Variants in SPEF2 observed in about 807,000 individuals in gnomAD.
SPEF2 encodes the protein sperm flagella and cilia-associated protein 2.
A neutral mutation model predicts 224.6 loss-of-function variants in SPEF2; 187 were observed. The ratio of observed to expected loss-of-function variants is 0.83; its 90% CI spans 0.74 to 0.94. The LOEUF (loss-of-function observed/expected upper bound fraction) is 0.94, where lower values mean the gene tolerates loss of function less well. Ranked by LOEUF, SPEF2 falls within the 40% of genes least tolerant of loss-of-function variation. The pLI is 0.00. For missense variants in SPEF2, 2,170 were observed against 2,135.6 expected (o/e 1.02, Z -0.32); for synonymous variants, 715 against 707.3 (o/e 1.01, Z -0.17).
rs1241132815 is a variant in SPEF2 at position 35,700,738 on chromosome 5, T to C, written c.2384T>C (p.Met795Thr). 6.2e-7 allele frequency: 1 copy of C among 1,613,932 alleles called. No homozygotes were observed. The highest frequency in any genetic ancestry group is 1.7e-5 in the Admixed American group (1 of 60,002). Residue 795 changes from methionine (M) to threonine (T), a missense_variant, in exon 16 of 37, where the codon ATG becomes ACG. By Grantham distance (81) the Met-to-Thr change is moderately conservative. Transcript: ENST00000356031. ...DVSDTSSMSR[M>T]NDIIAEELSY... ...TCAGATACTTCCTCAATGAGTCGCA[T>C]GAATGATATTATAGGTAAGCTGGAC... is the stretch of plus-strand genomic sequence containing the variant.
intron 10 of SPEF2, chr5:35,670,798 G>C: frequency 3.1e-6 from 3 of 980,932 alleles, no homozygotes; most frequent in Non-Finnish European, 3.6e-6. Context: ...ACTACTAACT[G>C]TGTGACCTTA....
intron 2 of SPEF2, among the ~76,000 whole-genome samples, chr5:35,629,522 T>G (rs1744793276): frequency 6.6e-6 from 1 of 152,170 alleles, no homozygotes; most frequent in Non-Finnish European, 1.5e-5. Context: ...TTAGTATGAT[T>G]ATTTGTGTTT....
intron 20 of SPEF2, 95 bp downstream of exon 20, chr5:35,712,981 A>C: frequency 9.3e-7 from 1 of 1,080,592 alleles, no homozygotes; most frequent in Admixed American, 2.4e-5. Flanking sequence ...GTATACATTG[A>C]CCACTTCTCT....
At chr5:35,694,905 C>G (rs1755070541) in intron 13 of SPEF2, among the ~76,000 whole-genome samples, 1 of 152,128 alleles carries the variant, frequency 6.6e-6, no homozygotes, top group Non-Finnish European at 1.5e-5. Flanking sequence ...TCCTTCAGAT[C>G]CTTTGTAGAA....
chr5:35,644,777 T>C (rs183197124), intron 4 of SPEF2, among the ~76,000 whole-genome samples: 2 of 152,266 alleles, frequency 1.3e-5, no homozygotes, highest in Admixed American at 1.3e-4. Flanking sequence ...GCAAGACAAC[T>C]GCATTACCTT....
chr5:35,708,625 A>G (rs367868621), intron 18 of SPEF2, among the ~76,000 whole-genome samples: 590 of 105,302 alleles, frequency 5.6e-3, no homozygotes, highest in Middle Eastern at 0.018. Context: ...CTCTACCTCC[A>G]CCACCATCAC....
At chr5:35,759,496 G>A (rs1240597167) in intron 24 of SPEF2, 72 bp from the exon 25 acceptor site, 11 of 1,288,996 alleles carry the variant, frequency 8.5e-6, no homozygotes, top group Non-Finnish European at 1.1e-5. Flanking sequence ...TGCTTTCAGA[G>A]GCTTATATCG....
chr5:35,679,173 A>T (rs1027320243), intron 10 of SPEF2, among the ~76,000 whole-genome samples: 2 of 152,198 alleles, frequency 1.3e-5, no homozygotes, highest in African/African-American at 4.8e-5. Context: ...TACCCTAGCA[A>T]TAGGTATACT....
chr5:35,772,516 T>C (rs1753003409), intron 27 of SPEF2, among the ~76,000 whole-genome samples: 1 of 152,124 alleles, frequency 6.6e-6, no homozygotes, highest in Non-Finnish European at 1.5e-5. Flanking sequence ...TACAAGTACC[T>C]TAAGAACAAG....
intron 26 of SPEF2, 95 bp downstream of exon 26, chr5:35,763,797 C>T (rs1580640893): frequency 1.7e-6 from 2 of 1,158,236 alleles, no homozygotes; most frequent in African/African-American, 1.6e-5. Context: ...ACACAATGCT[C>T]TCAAGCACTG....
chr5:35,800,024 A>G lies in SPEF2; in HGVS notation c.4887A>G (p.Thr1629=), dbSNP rs768920248. Reference sequence around the variant, plus strand: ...AGGATCCACCCCAGCTTGACTACACACAGATGCTGCTTTACTTTGCTTGCC... The same window carrying G: ...AGGATCCACCCCAGCTTGACTACACGCAGATGCTGCTTTACTTTGCTTGCC... ...YEKDPPQLDY[T]QMLLYFACHP... Residue 1629 remains threonine, a synonymous_variant, in exon 34 of 37, where the codon ACA becomes ACG. Coordinates refer to ENST00000356031, the MANE Select transcript of SPEF2 (RefSeq NM_024867.4). The G allele has an allele frequency of 1.2e-6, 2 of 1,614,112 alleles. No individual in the cohort carries two copies. Among genetic ancestry groups the G allele is most frequent in the South Asian group, 2.2e-5 (2 of 91,074 alleles).
intron 23 of SPEF2, among the ~76,000 whole-genome samples, chr5:35,744,488 A>G (rs1748152767): frequency 6.6e-6 from 1 of 152,098 alleles, no homozygotes; most frequent in Admixed American, 6.5e-5. Flanking sequence ...CTGCTGTTGC[A>G]TTGTTCTCAT....
At chr5:35,709,152 T>C (rs1329963976) in intron 19 of SPEF2, 31 bp downstream of exon 19, 1 of 1,597,364 alleles carries the variant, frequency 6.3e-7, no homozygotes, top group Non-Finnish European at 8.5e-7. Context: ...TAATCCTGTT[T>C]TCAGTTTCTT....
Position 35,691,123 on chromosome 5 carries a change from C to A in SPEF2, c.1611C>A (p.His537Gln), listed in dbSNP as rs1754405760. Residue 537 changes from histidine to glutamine, a missense_variant, in exon 11 of 37, where the codon CAC becomes CAA. Transcript: ENST00000356031. ...ATTGCATACTGGGCCATATTCTTCACAGGCTAGCTGAAAAATCTCTTCCTC... is the reference window on the plus strand; with the variant it reads ...ATTGCATACTGGGCCATATTCTTCAAAGGCTAGCTGAAAAATCTCTTCCTC... ...SNNCILGHIL[H>Q]RLAEKSLPPR... 1 of 1,614,098 alleles carries A rather than the reference C, an allele frequency of 6.2e-7. No homozygotes were observed. The highest frequency in any genetic ancestry group is 8.5e-7 in the Non-Finnish European group (1 of 1,179,986).
intron 34 of SPEF2, 47 bp from the exon 35 acceptor site, chr5:35,806,660 G>GA (rs760956261): frequency 1.9e-6 from 3 of 1,573,898 alleles, no homozygotes; most frequent in African/African-American, 2.8e-5. Context: ...TCCATTGGTG[G>GA]AAAAAACTTC....
chr5:35,702,350 A>G (rs953526490), intron 16 of SPEF2: 8 of 455,846 alleles, frequency 1.8e-5, no homozygotes, highest in Admixed American at 2.3e-5. Flanking sequence ...GCCAATGGGC[A>G]GGAGACTGGG....
At chr5:35,629,240 G>A (rs1163333607) in intron 2 of SPEF2, among the ~76,000 whole-genome samples, 6 of 121,182 alleles carry the variant, frequency 5.0e-5, no homozygotes, top group Admixed American at 9.9e-5. Flanking sequence ...TGCAAGCTCC[G>A]CCTCCCGCAT....
At chr5:35,751,860 A>G (rs75644611) in intron 23 of SPEF2, among the ~76,000 whole-genome samples, 3,046 of 152,278 alleles carry the variant, frequency 0.02, 73 homozygotes, top group South Asian at 0.054. Flanking sequence ...TCGGAAGCCT[A>G]CTTACTGTGG....
At position 35,676,134 on chromosome 5, in the gene SPEF2, G is replaced by C. The variant is rs1751965989; in HGVS notation, c.1524+5907G>C. 5.8e-5 allele frequency: 24 copies of C among 410,858 alleles called. 1 individual carries two copies. Among genetic ancestry groups the C allele is most frequent in the South Asian group, 4.3e-4 (24 of 56,360 alleles). The allele number at this position is 410,858 out of a possible 1,614,324, so 25.5% of individuals were successfully genotyped here. A position where few individuals can be genotyped will look rare whatever the true frequency, so the allele number is the denominator to read the frequency against. On this transcript the variant is annotated intron_variant, in intron 10 of 36. Coordinates refer to ENST00000356031, the MANE Select transcript of SPEF2 (RefSeq NM_024867.4). The stretch of plus-strand genomic sequence containing the variant: ...GGGATGTGAGAAGGACAAAGCCAAA[G>C]AGAGGAGTCCTGGATGCCTGACATG...
Sources: allele counts gnomAD v4.1 joint callset (sites outside exome capture counted in the v4.1 genomes callset), GRCh38; gene constraint gnomAD v4.1.1; transcripts MANE v1.5; gene names NCBI Gene and HGNC (gene_info 2026-07-23, HGNC 2026-07-21).